SLC6A11: variants seen among roughly 807,000 people sequenced by gnomAD.
SLC6A11 encodes solute carrier family 6 member 11, also known as sodium- and chloride-dependent GABA transporter 3.
In SLC6A11, 25 loss-of-function variants were observed where a neutral mutation model predicts 74.8. The observed-to-expected ratio is 0.33, with a 90% CI of 0.24 to 0.47. The LOEUF is 0.47. Ranked by LOEUF, SLC6A11 falls within the 20% of genes least tolerant of loss-of-function variation. The pLI, the probability that SLC6A11 is intolerant of heterozygous loss-of-function variation, is 1.00. For synonymous variants in SLC6A11, 330 were observed against 330.2 expected (o/e 1.00, Z 0.01); for missense variants, 574 against 837.0 (o/e 0.69, Z 3.88).
chr3:10,819,997 C>G (rs1297954146), intron 3 of SLC6A11, 145 bp downstream of exon 3: 3 of 804,324 alleles, frequency 3.7e-6, no homozygotes, highest in South Asian at 3.4e-5. Context: ...CTGGGGTCAG[C>G]TCTGCACCTG....
chr3:10,882,925 C>G (rs1161687078), intron 6 of SLC6A11, among the ~76,000 whole-genome samples: 1 of 152,160 alleles, frequency 6.6e-6, no homozygotes, highest in Non-Finnish European at 1.5e-5. Flanking sequence ...TCCACGTTTC[C>G]CTTCTGGCAC....
At chr3:10,907,713 C>T (rs1270208939) in intron 6 of SLC6A11, among the ~76,000 whole-genome samples, 1 of 152,154 alleles carries the variant, frequency 6.6e-6, no homozygotes, top group Non-Finnish European at 1.5e-5. Context: ...GGCAACTAAG[C>T]AATATATTCC....
At chr3:10,888,259 A>T (rs1195117705) in intron 6 of SLC6A11, among the ~76,000 whole-genome samples, 1 of 152,298 alleles carries the variant, frequency 6.6e-6, no homozygotes, top group East Asian at 1.9e-4. Flanking sequence ...CAGATTTGTT[A>T]AGGTTAGGTG....
At chr3:10,929,781 G>A (rs1695661157) in intron 10 of SLC6A11, among the ~76,000 whole-genome samples, 1 of 152,098 alleles carries the variant, frequency 6.6e-6, no homozygotes, top group Admixed American at 6.5e-5. Context: ...GGCACCTTTG[G>A]GCACCATGTG....
intron 10 of SLC6A11, 43 bp downstream of exon 10, chr3:10,929,382 T>C (rs1484942707): frequency 6.2e-7 from 1 of 1,603,674 alleles, no homozygotes; most frequent in Non-Finnish European, 8.5e-7. Context: ...AGTGGGTGTG[T>C]GACGTCAACT....
At chr3:10,878,084 C>T (rs1694932097) in intron 6 of SLC6A11, among the ~76,000 whole-genome samples, 1 of 152,214 alleles carries the variant, frequency 6.6e-6, no homozygotes, top group African/African-American at 2.4e-5. Flanking sequence ...CCCCACCCAG[C>T]AACAGAGGGA....
intron 5 of SLC6A11, among the ~76,000 whole-genome samples, chr3:10,873,691 TC>T (rs2106603860): frequency 1.0e-5 from 1 of 100,030 alleles, no homozygotes; most frequent in South Asian, 3.8e-4. Context: ...TCCCGTCCCA[TC>T]CTATCCTATC....
At chr3:10,901,541 G>A (rs1695240374) in intron 6 of SLC6A11, among the ~76,000 whole-genome samples, 1 of 152,212 alleles carries the variant, frequency 6.6e-6, no homozygotes, top group African/African-American at 2.4e-5. Context: ...GCGAGAGGCT[G>A]CAGAACATAT....
intron 9 of SLC6A11, 25 bp from the exon 10 acceptor site, chr3:10,929,177 C>G (rs200014251): frequency 6.2e-7 from 1 of 1,611,954 alleles, no homozygotes; most frequent in Non-Finnish European, 8.5e-7. Context: ...CCTTGAGTTT[C>G]ACACCATCAT....
intron 5 of SLC6A11, among the ~76,000 whole-genome samples, chr3:10,857,106 A>G (rs1694647044): frequency 6.6e-6 from 1 of 152,164 alleles, no homozygotes; most frequent in Non-Finnish European, 1.5e-5. Flanking sequence ...AATCAACATG[A>G]TTCTGGAGTA....
chr3:10,844,435 C>A, intron 5 of SLC6A11, 89 bp downstream of exon 5: 1 of 1,504,698 alleles, frequency 6.6e-7, no homozygotes, highest in African/African-American at 1.4e-5. Context: ...GTTCATGTTG[C>A]AGAGGCCAGC....
At chr3:10,830,006 A>G (rs1169393256) in intron 4 of SLC6A11, among the ~76,000 whole-genome samples, 1 of 152,114 alleles carries the variant, frequency 6.6e-6, no homozygotes, top group Non-Finnish European at 1.5e-5. Context: ...GAGTGGTGGG[A>G]CACTGGCTCT....
intron 6 of SLC6A11, among the ~76,000 whole-genome samples, chr3:10,909,952 C>G (rs185001181): frequency 2.0e-5 from 3 of 152,294 alleles, no homozygotes; most frequent in African/African-American, 7.2e-5. Flanking sequence ...TTGTATTTAC[C>G]CTTTTACTAC....
chr3:10,898,309 A>T (rs941534775), intron 6 of SLC6A11, among the ~76,000 whole-genome samples: 17 of 152,256 alleles, frequency 1.1e-4, no homozygotes, highest in African/African-American at 4.1e-4. Flanking sequence ...TCTTCTCAGA[A>T]AATGGGTTTT....
chr3:10,898,626 G>T (rs1276242675), intron 6 of SLC6A11, among the ~76,000 whole-genome samples: 1 of 152,174 alleles, frequency 6.6e-6, no homozygotes, highest in African/African-American at 2.4e-5. Context: ...CCTCAGCCTG[G>T]ATTTCATTGT....
chr3:10,938,120 T>G, intron 13 of SLC6A11, 130 bp from the exon 14 acceptor site: 1 of 821,266 alleles, frequency 1.2e-6, no homozygotes, highest in Middle Eastern at 3.9e-4. Flanking sequence ...GGGGCCAAGC[T>G]GGGGCCCGGA....
chr3:10,841,337 C>T (rs1412652132), intron 4 of SLC6A11, among the ~76,000 whole-genome samples: 1 of 152,134 alleles, frequency 6.6e-6, no homozygotes, highest in Non-Finnish European at 1.5e-5. Flanking sequence ...GTGCCTTCTC[C>T]AAGTCTCCGG....
In SLC6A11 at chr3:10,926,608, G is replaced by A. The variant is rs746960651; in HGVS notation, c.1233+492G>A. Reference sequence around the variant, plus strand: ...TGGATGCCACCACCAGCTCTGCCCCGCCACCGCCTGCCTGTCTCTGTGCTC... The same window carrying A: ...TGGATGCCACCACCAGCTCTGCCCCACCACCGCCTGCCTGTCTCTGTGCTC... On this transcript the variant is annotated intron_variant, in intron 9 of 13. Transcript: ENST00000254488. This position sits in a 1 kb window ranked among gnomAD's most constrained non-coding sequence, Gnocchi z 5.7. Among the ~76,000 whole-genome samples the A allele has an allele frequency of 7.9e-5, 12 of 151,792 alleles. No individual in the cohort carries two copies. Among genetic ancestry groups the A allele is most frequent in the African/African-American group, 2.4e-4 (10 of 41,292 alleles).
At chr3:10,906,085 C>T (rs561753738) in intron 6 of SLC6A11, among the ~76,000 whole-genome samples, 31 of 152,204 alleles carry the variant, frequency 2.0e-4, no homozygotes, top group African/African-American at 6.3e-4. Context: ...CCCATTTCCC[C>T]ACTTTATACC....
Sources: gnomAD v4.1 joint callset for allele counts (sites outside exome capture counted in the v4.1 genomes callset) on GRCh38, gnomAD v4.1.1 for gene constraint, Gnocchi (gnomAD v3.1) non-coding constraint, MANE v1.5 for transcripts, NCBI Gene and HGNC (gene_info 2026-07-23, HGNC 2026-07-21) for gene names.